Variants in DDI2 observed in about 807,000 individuals in gnomAD.
DDI2 encodes the protein protein DDI1 homolog 2.
A neutral mutation model predicts 48.1 loss-of-function variants in DDI2; 5 were observed. The ratio of observed to expected loss-of-function variants is 0.10; its 90% CI spans 0.05 to 0.22. The LOEUF (loss-of-function observed/expected upper bound fraction) is 0.22, where lower values mean the gene tolerates loss of function less well. DDI2 is among the 10% of genes least tolerant of loss of function. The pLI is 1.00. For synonymous variants in DDI2, 205 were observed against 183.6 expected (o/e 1.12, Z -0.94); for missense variants, 285 against 506.2 (o/e 0.56, Z 4.19).
chr1:15,636,528 A>T (rs1001829023), intron 4 of DDI2, among the ~76,000 whole-genome samples: 1 of 151,644 alleles, frequency 6.6e-6, no homozygotes, highest in African/African-American at 2.4e-5. Context: ...GCTGGAGTGC[A>T]GTGGTGCCAT....
rs573822750 is a variant in DDI2, at chr1:15,667,603, G to A, written c.*7813G>A. 6.6e-6 allele frequency: 1 copy of A among 152,390 alleles called. No individual in the cohort carries two copies. Among genetic ancestry groups the A allele is most frequent in the African/African-American group, 2.4e-5 (1 of 41,596 alleles). The allele number at this position is 152,390 out of a possible 1,614,324, so 9.4% of individuals were successfully genotyped here. A position where few individuals can be genotyped will look rare whatever the true frequency, so the allele number is the denominator to read the frequency against. On this transcript the variant is annotated 3_prime_UTR_variant, in exon 10 of 10. Transcript: ENST00000480945. ...AGAGCAGAACATGTAATCAGCGATG[G>A]CTGGGATTGGTGGACAGGATTGACA...
intron 8 of DDI2, among the ~76,000 whole-genome samples, chr1:15,656,269 C>T (rs1003302467): frequency 1.2e-4 from 19 of 152,218 alleles, no homozygotes; most frequent in African/African-American, 4.6e-4. Context: ...TATGTTCACT[C>T]ACCTTTACTC....
At chr1:15,630,628 T>G in intron 3 of DDI2, 67 bp downstream of exon 3, 1 of 1,091,064 alleles carries the variant, frequency 9.2e-7, no homozygotes, top group Non-Finnish European at 1.4e-6. Context: ...ATAGCAAATG[T>G]GAAGAGACTC....
intron 1 of DDI2, among the ~76,000 whole-genome samples, chr1:15,624,111 A>G (rs1305860744): frequency 6.6e-6 from 1 of 152,208 alleles, no homozygotes; most frequent in Non-Finnish European, 1.5e-5. Flanking sequence ...GAGACTGTTC[A>G]TGTATCTCTA....
intron 6 of DDI2, among the ~76,000 whole-genome samples, chr1:15,647,565 C>T (rs1245648180): frequency 1.3e-5 from 2 of 152,120 alleles, no homozygotes; most frequent in Admixed American, 6.5e-5. Flanking sequence ...TGCTTTAGGA[C>T]TCTTGATATG....
intron 5 of DDI2, among the ~76,000 whole-genome samples, chr1:15,642,852 A>C (rs892145513): frequency 2.6e-5 from 4 of 152,270 alleles, no homozygotes; most frequent in African/African-American, 9.6e-5. Context: ...TGGATCACGA[A>C]GTCAGGAGAT....
chr1:15,625,523 T>G (rs1389482389), intron 1 of DDI2, among the ~76,000 whole-genome samples: 1 of 152,216 alleles, frequency 6.6e-6, no homozygotes, highest in Admixed American at 6.5e-5. Context: ...TCAGTTTGAT[T>G]ACACATCATA....
intron 8 of DDI2, among the ~76,000 whole-genome samples, chr1:15,654,842 G>C (rs1234829669): frequency 6.6e-6 from 1 of 151,934 alleles, no homozygotes; most frequent in Non-Finnish European, 1.5e-5. Context: ...ATTTGACATA[G>C]CTCCTTACAA....
rs139412276 is a variant in DDI2, at chr1:15,660,626, C to G, written c.*836C>G. ...TCAGAAACATTTATGGAAATCGATA[C>G]AGCTCAACAGTCCCTAGTTACTTTG... On this transcript the variant is annotated 3_prime_UTR_variant, in exon 10 of 10. Coordinates refer to ENST00000480945, the MANE Select transcript of DDI2 (RefSeq NM_032341.5). 1.9e-6 allele frequency: 3 copies of G among 1,614,074 alleles called. No homozygotes were observed. The highest frequency in any genetic ancestry group is 3.3e-5 in the Admixed American group (2 of 60,010).
At chr1:15,619,300 T>A (rs2103458295) in intron 1 of DDI2, among the ~76,000 whole-genome samples, 1 of 151,172 alleles carries the variant, frequency 6.6e-6, no homozygotes, top group African/African-American at 2.4e-5. Flanking sequence ...TTTGTAATTT[T>A]TTTTTAGTAG....
intron 5 of DDI2, among the ~76,000 whole-genome samples, chr1:15,643,292 A>G (rs974811364): frequency 2.6e-5 from 4 of 152,234 alleles, no homozygotes; most frequent in African/African-American, 9.6e-5. Context: ...TTGCATCGCT[A>G]CAGAATATTC....
chr1:15,620,861 A>G (rs928093527), intron 1 of DDI2, among the ~76,000 whole-genome samples: 2 of 152,210 alleles, frequency 1.3e-5, no homozygotes, highest in Non-Finnish European at 2.9e-5. Context: ...AATGGAAATG[A>G]AAATTCTAAT....
At chr1:15,620,380 C>G (rs772870176) in intron 1 of DDI2, among the ~76,000 whole-genome samples, 1 of 152,110 alleles carries the variant, frequency 6.6e-6, no homozygotes, top group South Asian at 2.1e-4. Flanking sequence ...TAGTAAACAT[C>G]ACTATAGTTT....
chr1:15,642,544 T>C (rs1385391900), intron 5 of DDI2, among the ~76,000 whole-genome samples: 2 of 152,210 alleles, frequency 1.3e-5, no homozygotes, highest in Non-Finnish European at 2.9e-5. Context: ...TTCCACTCCT[T>C]GGCTCAGGTG....
Position 15,660,680 on chromosome 1 carries a change from A to G in DDI2, c.*890A>G, listed in dbSNP as rs3738648. ...AATTCAACAGGCAGGCAGAATGCCA[A>G]TGTCAAGAACATTGGTGCATTGGAT... On this transcript the variant is annotated 3_prime_UTR_variant, in exon 10 of 10. Transcript: ENST00000480945. The G allele has an allele frequency of 7.1e-4, 1,152 of 1,614,226 alleles. 15 individuals are homozygous for G. In the East Asian group the frequency reaches 0.022, roughly 31 times the overall value.
chr1:15,657,789 A>C (rs1338019180), intron 9 of DDI2, among the ~76,000 whole-genome samples: 1 of 152,236 alleles, frequency 6.6e-6, no homozygotes, highest in African/African-American at 2.4e-5. Context: ...AATAACTGTT[A>C]GACATCTGGT....
intron 1 of DDI2, among the ~76,000 whole-genome samples, chr1:15,625,617 A>G (rs1338448866): frequency 6.6e-6 from 1 of 151,582 alleles, no homozygotes; most frequent in East Asian, 1.9e-4. Flanking sequence ...TTTATTTTCC[A>G]GTCTCCCCCC....
At chr1:15,622,644 G>T (rs1639683947) in intron 1 of DDI2, among the ~76,000 whole-genome samples, 1 of 151,032 alleles carries the variant, frequency 6.6e-6, no homozygotes, top group Non-Finnish European at 1.5e-5. Context: ...ATGGTGGAAG[G>T]ATCAAGAATG....
intron 9 of DDI2, among the ~76,000 whole-genome samples, chr1:15,657,886 C>A (rs908879948): frequency 6.6e-6 from 1 of 152,182 alleles, no homozygotes; most frequent in African/African-American, 2.4e-5. Context: ...TTCCTTTTTA[C>A]TCCTAAAGTG....
Sources: allele counts gnomAD v4.1 joint callset (sites outside exome capture counted in the v4.1 genomes callset), GRCh38; gene constraint gnomAD v4.1.1; transcripts MANE v1.5; gene names NCBI Gene and HGNC (gene_info 2026-07-23, HGNC 2026-07-21).